The following AUTS2 variants were observed in gnomAD, a reference collection of about 807,000 sequenced individuals.
AUTS2 encodes activator of transcription and developmental regulator AUTS2.
Under a neutral mutation model 112.4 loss-of-function variants are expected in AUTS2, and 17 were observed. The observed-to-expected ratio is 0.15, with a 90% CI of 0.10 to 0.23. The LOEUF (loss-of-function observed/expected upper bound fraction) is 0.23. AUTS2 is among the 10% of genes least tolerant of loss of function. AUTS2 has a pLI of 1.00. For missense variants in AUTS2, 1,510 were observed against 1,701.6 expected (o/e 0.89, Z 1.98); for synonymous variants, 751 against 702.7 (o/e 1.07, Z -1.09).
At chr7:69,894,994 T>A (rs1345595009) in intron 1 of AUTS2, among the ~76,000 whole-genome samples, 2 of 152,064 alleles carry the variant, frequency 1.3e-5, no homozygotes, top group Non-Finnish European at 1.5e-5. Flanking sequence ...AAAGTTTTTT[T>A]ATATACCAGA....
intron 5 of AUTS2, among the ~76,000 whole-genome samples, chr7:70,547,053 A>AT (rs1022150326): frequency 1.1e-4 from 16 of 152,158 alleles, no homozygotes; most frequent in Non-Finnish European, 2.2e-4. Context: ...TAATTCAGTG[A>AT]TTTTTTAGTA....
At chr7:70,072,436 A>T (rs1018146158) in intron 2 of AUTS2, among the ~76,000 whole-genome samples, 1 of 152,198 alleles carries the variant, frequency 6.6e-6, no homozygotes, top group African/African-American at 2.4e-5. Flanking sequence ...CTGCCACTTC[A>T]TGACAGATGG....
chr7:69,741,008 C>T (rs544853526), intron 1 of AUTS2, among the ~76,000 whole-genome samples: 1 of 152,274 alleles, frequency 6.6e-6, no homozygotes, highest in Non-Finnish European at 1.5e-5. Flanking sequence ...TGTTGACTTT[C>T]CAACCTACTT....
intron 2 of AUTS2, among the ~76,000 whole-genome samples, chr7:70,048,996 G>A (rs202136884): frequency 1.3e-5 from 2 of 152,112 alleles, no homozygotes; most frequent in East Asian, 3.9e-4. Context: ...TTTTCTTTTA[G>A]TTTGAGATGA....
intron 4 of AUTS2, among the ~76,000 whole-genome samples, chr7:70,346,216 A>G (rs893889195): frequency 2.0e-5 from 3 of 152,174 alleles, no homozygotes; most frequent in African/African-American, 4.8e-5. Context: ...CTTTTCCACA[A>G]TACCTTTCCC....
intron 6 of AUTS2, among the ~76,000 whole-genome samples, chr7:70,756,194 A>C (rs1366845220): frequency 6.6e-6 from 1 of 152,168 alleles, no homozygotes; most frequent in Non-Finnish European, 1.5e-5. Context: ...ATTTAATGGC[A>C]ATTTTGTCAT....
chr7:70,004,946 T>C (rs1799478296), intron 2 of AUTS2, among the ~76,000 whole-genome samples: 1 of 151,984 alleles, frequency 6.6e-6, no homozygotes, highest in South Asian at 2.1e-4. Flanking sequence ...TGCCTCAGCC[T>C]CCCAAGTAGC....
chr7:70,504,660 A>T (rs1394484680), intron 5 of AUTS2, among the ~76,000 whole-genome samples: 1 of 152,188 alleles, frequency 6.6e-6, no homozygotes, highest in Non-Finnish European at 1.5e-5. Context: ...GTGGACAAAC[A>T]TCTAATGTTT....
intron 2 of AUTS2, among the ~76,000 whole-genome samples, chr7:70,070,683 G>A (rs1232663756): frequency 6.6e-6 from 1 of 152,032 alleles, no homozygotes; most frequent in African/African-American, 2.4e-5. Flanking sequence ...TGGCTAACAC[G>A]GTGAAACCCC....
intron 1 of AUTS2, chr7:69,824,427 G>C (rs1236042829): frequency 6.6e-6 from 1 of 151,870 alleles, no homozygotes; most frequent in African/African-American, 2.4e-5. Context: ...AAAAATAAGT[G>C]TGATACTTAA....
chr7:69,811,011 A>T (rs1447075855), intron 1 of AUTS2, among the ~76,000 whole-genome samples: 1 of 152,190 alleles, frequency 6.6e-6, no homozygotes, highest in Non-Finnish European at 1.5e-5. Flanking sequence ...GATAAAGAAG[A>T]TCATGAATGC....
chr7:70,181,796 CTTT>C (rs35077931), intron 4 of AUTS2, among the ~76,000 whole-genome samples: 24 of 110,150 alleles, frequency 2.2e-4, no homozygotes, highest in South Asian at 3.1e-4. Context: ...GCTGAGCTAA[CTTT>C]TTTTTTTTTT....
intron 6 of AUTS2, among the ~76,000 whole-genome samples, chr7:70,757,698 TAC>T (rs150844362): frequency 6.6e-6 from 1 of 150,948 alleles, no homozygotes; most frequent in Non-Finnish European, 1.5e-5. Flanking sequence ...TATGCATATA[TAC>T]ACACACACAC....
At chr7:70,654,360 T>C (rs1806661186) in intron 5 of AUTS2, among the ~76,000 whole-genome samples, 1 of 152,228 alleles carries the variant, frequency 6.6e-6, no homozygotes, top group African/African-American at 2.4e-5. Flanking sequence ...AAAAAGCTAT[T>C]GTAATACATA....
chr7:70,773,744 A>AT (rs372533231), intron 11 of AUTS2, among the ~76,000 whole-genome samples: 1 of 152,236 alleles, frequency 6.6e-6, no homozygotes. Context: ...CCAGGACAGC[A>AT]TTTACGTTTG....
intron 1 of AUTS2, among the ~76,000 whole-genome samples, chr7:69,717,986 A>G (rs112339779): frequency 6.6e-6 from 1 of 152,304 alleles, no homozygotes; most frequent in Non-Finnish European, 1.5e-5. Flanking sequence ...TCTTCAATTC[A>G]AGCCACCAAA....
chr7:70,138,084 T>G (rs1206401627), intron 4 of AUTS2, among the ~76,000 whole-genome samples: 2 of 152,240 alleles, frequency 1.3e-5, no homozygotes, highest in Non-Finnish European at 2.9e-5. Context: ...AAGTTACTTG[T>G]GTATTTTCTT....
intron 2 of AUTS2, among the ~76,000 whole-genome samples, chr7:69,988,209 T>C (rs976414237): frequency 2.0e-5 from 3 of 152,224 alleles, no homozygotes; most frequent in Non-Finnish European, 2.9e-5. Context: ...CAGTCTTCTC[T>C]TTGTGCCCAT....
chr7:69,965,070 C>T (rs1176817637), intron 2 of AUTS2, among the ~76,000 whole-genome samples: 1 of 152,104 alleles, frequency 6.6e-6, no homozygotes. Context: ...AGAATCACAT[C>T]TCTATCTGTA....
Sources: allele counts gnomAD v4.1 joint callset (sites outside exome capture counted in the v4.1 genomes callset), GRCh38; gene constraint gnomAD v4.1.1; transcripts MANE v1.5; gene names NCBI Gene and HGNC (gene_info 2026-07-23, HGNC 2026-07-21).